PTPRD: variants seen among roughly 807,000 people sequenced by gnomAD.
PTPRD encodes the protein receptor-type tyrosine-protein phosphatase delta.
PTPRD carries 34 observed loss-of-function variants against 214.5 expected under a neutral mutation model. The ratio of observed to expected loss-of-function variants is 0.16; its 90% CI spans 0.12 to 0.21. The LOEUF (loss-of-function observed/expected upper bound fraction) is 0.21. PTPRD is among the 10% of genes least tolerant of loss of function. The pLI is 1.00. For missense variants in PTPRD, 2,545 were observed against 2,398.7 expected (o/e 1.06, Z -1.27); for synonymous variants, 1,128 against 845.7 (o/e 1.33, Z -5.79).
chr9:9,897,363 A>C (rs2075285494), intron 5 of PTPRD, among the ~76,000 whole-genome samples: 1 of 152,070 alleles, frequency 6.6e-6, no homozygotes. Flanking sequence ...ACACACTTCC[A>C]CCAAGAGTTT....
At chr9:9,980,611 AAAAAAACAAAAAAAAAAAAAAAAC>A (rs1407945077) in intron 4 of PTPRD, among the ~76,000 whole-genome samples, 8 of 27,856 alleles carry the variant, frequency 2.9e-4, no homozygotes, top group African/African-American at 3.9e-4. Flanking sequence ...ACCTTGTCAA[AAAAAAACAAAAAAAAAAAAAAAAC>A]AAAAAAAAAA....
intron 14 of PTPRD, among the ~76,000 whole-genome samples, chr9:8,580,428 T>C (rs948687287): frequency 1.3e-5 from 2 of 152,324 alleles, no homozygotes; most frequent in African/African-American, 4.8e-5. Context: ...ACCCAAGGTA[T>C]GAGAATTTTC....
chr9:10,122,216 G>T (rs2098781648), intron 3 of PTPRD, among the ~76,000 whole-genome samples: 1 of 152,138 alleles, frequency 6.6e-6, no homozygotes, highest in Admixed American at 6.5e-5. Flanking sequence ...GCTGAGGCAG[G>T]AGAATCACTT....
intron 9 of PTPRD, among the ~76,000 whole-genome samples, chr9:9,375,455 G>C (rs929279345): frequency 3.3e-5 from 5 of 152,034 alleles, no homozygotes; most frequent in Non-Finnish European, 1.5e-5. Flanking sequence ...AATTAGCCAG[G>C]CATGGTGGCA....
chr9:10,443,033 AT>A (rs555566908), intron 2 of PTPRD, among the ~76,000 whole-genome samples: 1 of 151,152 alleles, frequency 6.6e-6, no homozygotes, highest in Non-Finnish European at 1.5e-5. Context: ...ACATTTTAAG[AT>A]AATTAGGAAA....
chr9:8,612,387 G>A (rs1164815426), intron 14 of PTPRD, among the ~76,000 whole-genome samples: 3 of 152,152 alleles, frequency 2.0e-5, no homozygotes, highest in Non-Finnish European at 2.9e-5. Flanking sequence ...TGAGTCTATA[G>A]GCAAAGGATA....
intron 2 of PTPRD, among the ~76,000 whole-genome samples, chr9:10,372,835 A>ATATTATTAT (rs2097653556): frequency 5.7e-5 from 1 of 17,568 alleles, no homozygotes. Context: ...TTGTTTTTAT[A>ATATTATTAT]CATTATTATT....
intron 9 of PTPRD, among the ~76,000 whole-genome samples, chr9:9,381,507 T>C (rs985600420): frequency 3.3e-5 from 5 of 151,644 alleles, no homozygotes; most frequent in African/African-American, 4.8e-5. Context: ...ACTATATGCA[T>C]GCACCACCAT....
chr9:10,417,003 C>G (rs981321940), intron 2 of PTPRD, among the ~76,000 whole-genome samples: 10 of 151,828 alleles, frequency 6.6e-5, no homozygotes, highest in Non-Finnish European at 1.2e-4. Flanking sequence ...ATCTTCCAGA[C>G]AAGAGTTGCC....
At chr9:9,002,781 T>C (rs2099429090) in intron 11 of PTPRD, among the ~76,000 whole-genome samples, 1 of 152,086 alleles carries the variant, frequency 6.6e-6, no homozygotes, top group Admixed American at 6.6e-5. Flanking sequence ...GAAGTTGTTC[T>C]TGCTTGACCA....
chr9:8,415,495 G>A (rs1183907833), intron 35 of PTPRD, among the ~76,000 whole-genome samples: 1 of 152,044 alleles, frequency 6.6e-6, no homozygotes, highest in Non-Finnish European at 1.5e-5. Context: ...ATTTAAGGCT[G>A]TGATTGGAAT....
At chr9:8,405,119 T>C (rs1194738446) in intron 35 of PTPRD, among the ~76,000 whole-genome samples, 2 of 152,168 alleles carry the variant, frequency 1.3e-5, no homozygotes, top group Non-Finnish European at 2.9e-5. Context: ...GCTTTACTGT[T>C]CATTCTTTAT....
At chr9:10,367,051 C>T (rs928014176) in intron 2 of PTPRD, among the ~76,000 whole-genome samples, 4 of 144,932 alleles carry the variant, frequency 2.8e-5, no homozygotes, top group African/African-American at 1.0e-4. Context: ...AGTTTATTTT[C>T]ACAAAAGAAA....
chr9:10,358,889 A>G (rs2097326659), intron 2 of PTPRD, among the ~76,000 whole-genome samples: 1 of 152,010 alleles, frequency 6.6e-6, no homozygotes, highest in African/African-American at 2.4e-5. Context: ...TTTAGTAAAC[A>G]TGTGTATCTT....
chr9:9,702,842 GAGAGT>G (rs1260900880), intron 7 of PTPRD, among the ~76,000 whole-genome samples: 4 of 152,236 alleles, frequency 2.6e-5, no homozygotes, highest in East Asian at 1.9e-4. Flanking sequence ...ATGTGATCAG[GAGAGT>G]AAAGAATAAC....
chr9:9,398,863 G>C (rs1463429161), intron 8 of PTPRD, among the ~76,000 whole-genome samples: 2 of 151,906 alleles, frequency 1.3e-5, no homozygotes, highest in East Asian at 3.9e-4. Flanking sequence ...TCTTAGAAAA[G>C]AGAACTTATC....
chr9:9,861,906 C>G (rs1010468360), intron 5 of PTPRD, among the ~76,000 whole-genome samples: 2 of 152,148 alleles, frequency 1.3e-5, no homozygotes, highest in Non-Finnish European at 2.9e-5. Flanking sequence ...ATTATAATAG[C>G]AGCATATGCT....
intron 11 of PTPRD, among the ~76,000 whole-genome samples, chr9:8,887,634 T>C (rs780680446): frequency 2.0e-5 from 3 of 152,184 alleles, no homozygotes; most frequent in Non-Finnish European, 4.4e-5. Context: ...CATCTAAAGC[T>C]CTTGAAGTTT....
chr9:9,642,816 T>C (rs1266869739), intron 7 of PTPRD, among the ~76,000 whole-genome samples: 3 of 152,172 alleles, frequency 2.0e-5, no homozygotes, highest in Non-Finnish European at 4.4e-5. Context: ...ATTATTTCCA[T>C]TTTTCATACA....
Sources: allele counts gnomAD v4.1 joint callset (sites outside exome capture counted in the v4.1 genomes callset), GRCh38; gene constraint gnomAD v4.1.1; transcripts MANE v1.5; gene names NCBI Gene and HGNC (gene_info 2026-07-23, HGNC 2026-07-21).